Variants in FLVCR1 observed in about 807,000 individuals in gnomAD.
FLVCR1 encodes the protein choline/ethanolamine transporter FLVCR1.
A neutral mutation model predicts 53.6 loss-of-function variants in FLVCR1; 34 were observed. That is an observed-to-expected ratio of 0.63 (90% CI 0.48 to 0.84). The LOEUF (loss-of-function observed/expected upper bound fraction) is 0.84. Ranked by LOEUF, FLVCR1 falls within the 40% of genes least tolerant of loss-of-function variation. The pLI is 0.00. For missense variants in FLVCR1, 677 were observed against 696.7 expected, an observed-to-expected ratio of 0.97 and a Z score of 0.32; for synonymous variants, 300 against 286.3, an observed-to-expected ratio of 1.05 and a Z score of -0.48.
chr1:212,889,075 C>T (rs1214514999), intron 7 of FLVCR1, 71 bp from the exon 8 acceptor site: 2 of 1,097,564 alleles, frequency 1.8e-6, no homozygotes, highest in East Asian at 2.5e-5. Context: ...AAGAAAAGTT[C>T]TGGTGAAAAC....
At chr1:212,889,092 C>T in intron 7 of FLVCR1, 54 bp from the exon 8 acceptor site, 1 of 1,270,518 alleles carries the variant, frequency 7.9e-7, no homozygotes, top group Non-Finnish European at 1.1e-6. Flanking sequence ...AAACTTTATA[C>T]TTGCTTTAAA....
chr1:212,862,543 T>A (rs1664276513), intron 1 of FLVCR1, among the ~76,000 whole-genome samples: 1 of 152,260 alleles, frequency 6.6e-6, no homozygotes, highest in Non-Finnish European at 1.5e-5. Flanking sequence ...TTTCATTGTA[T>A]GAATATACCA....
In FLVCR1 at chr1:212,859,217, T is replaced by A. The variant is rs200064133; in HGVS notation, c.738+27T>A. 241 of 1,613,798 alleles carry A rather than the reference T, an allele frequency of 1.5e-4. 1 individual carries two copies. The East Asian group carries it at 5.3e-3, about 36-fold the overall frequency. Reference sequence around the variant, plus strand: ...TAAGTACTGGAGTGGTAGGTGAAAGTCAGATCCTTAAAAGACCGGAAAAAG... The same window carrying A: ...TAAGTACTGGAGTGGTAGGTGAAAGACAGATCCTTAAAAGACCGGAAAAAG... On this transcript the variant is annotated intron_variant, in intron 1 of 9. Transcript: ENST00000366971.
intron 3 of FLVCR1, among the ~76,000 whole-genome samples, chr1:212,877,686 G>T (rs1428156383): frequency 1.7e-4 from 22 of 127,168 alleles, no homozygotes; most frequent in South Asian, 4.9e-4. Flanking sequence ...TCTGATGATA[G>T]TTTTTTTTTT....
At chr1:212,891,087 C>T (rs1665179252) in intron 8 of FLVCR1, among the ~76,000 whole-genome samples, 1 of 152,084 alleles carries the variant, frequency 6.6e-6, no homozygotes, top group South Asian at 2.1e-4. Context: ...GTTCTTAATT[C>T]CTAGGCAAGT....
intron 4 of FLVCR1, among the ~76,000 whole-genome samples, chr1:212,884,795 A>G (rs1245238437): frequency 3.9e-5 from 6 of 152,240 alleles, no homozygotes; most frequent in South Asian, 2.1e-4. Context: ...GGTATAGCCT[A>G]TTGCTCCTAG....
At chr1:212,861,794 C>T (rs940753978) in intron 1 of FLVCR1, among the ~76,000 whole-genome samples, 42 of 152,162 alleles carry the variant, frequency 2.8e-4, no homozygotes, top group African/African-American at 9.6e-4. Context: ...CTCAGCCTCC[C>T]GTGTAGCTGG....
intron 3 of FLVCR1, among the ~76,000 whole-genome samples, chr1:212,878,360 G>A (rs1664822564): frequency 1.3e-5 from 2 of 151,896 alleles, no homozygotes; most frequent in Non-Finnish European, 2.9e-5. Context: ...AAATGAGCCG[G>A]GCATGGTGGT....
In FLVCR1 at chr1:212,858,882, CTG is replaced by C; in HGVS notation, c.431_432del (p.Leu144ProfsTer122). 1 of 1,614,254 alleles carries C rather than the reference CTG, an allele frequency of 6.2e-7. No homozygotes were observed. The highest frequency in any genetic ancestry group is 8.5e-7 in the Non-Finnish European group (1 of 1,180,046). ...CGAGGGCTTCTACGGTGTCACCTTG[CTG>C]CACATCGACTGGCTGTCCATGGTGT... ...VFEGFYGVTLLHIDWLSMVYM... is the reference protein window; with the variant it reads ...VFEGFYGVTLXHIDWLSMVYM... On this transcript the variant is annotated frameshift_variant, in exon 1 of 10. Coordinates refer to ENST00000366971, the MANE Select transcript of FLVCR1 (RefSeq NM_014053.4). LOFTEE classifies it high-confidence loss of function.
rs1664116233 is a variant in FLVCR1 at position 212,858,732 on chromosome 1, G to A, written c.280G>A (p.Glu94Lys). 6.2e-7 allele frequency: 1 copy of A among 1,610,424 alleles called. No individual in the cohort carries two copies. The highest frequency in any genetic ancestry group is 8.5e-7 in the Non-Finnish European group (1 of 1,179,002). ...AGAGAETPGAESSPLPLTALS... is the reference protein window; with the variant it reads ...AGAGAETPGAKSSPLPLTALS... ...CGCGGGAGCTGAGACCCCGGGGGCC[G>A]AGAGCAGCCCGCTGCCCCTTACGGC... Residue 94 changes from glutamate (E) to lysine (K), a missense_variant, in exon 1 of 10, where the codon GAG (glutamate) becomes AAG (lysine). By Grantham distance (56) the Glu-to-Lys change is moderately conservative. Coordinates refer to ENST00000366971, the MANE Select transcript of FLVCR1 (RefSeq NM_014053.4).
At chr1:212,862,257 T>G (rs1664268336) in intron 1 of FLVCR1, among the ~76,000 whole-genome samples, 1 of 152,238 alleles carries the variant, frequency 6.6e-6, no homozygotes, top group Non-Finnish European at 1.5e-5. Flanking sequence ...AACTGTTACT[T>G]CTGTCTAGTT....
At position 212,859,083 on chromosome 1, in the gene FLVCR1, T is replaced by C; in HGVS notation, c.631T>C (p.Ser211Pro). 1 of 1,613,690 alleles carries C rather than the reference T, an allele frequency of 6.2e-7. No homozygotes were observed. The highest frequency in any genetic ancestry group is 1.1e-5 in the South Asian group (1 of 91,054). Residue 211 changes from serine (S) to proline (P), a missense_variant, in exon 1 of 10, where the codon TCG becomes CCG. Ser to Pro is a moderately conservative substitution (Grantham distance 74). Coordinates refer to ENST00000366971, the MANE Select transcript of FLVCR1 (RefSeq NM_014053.4). ...CACCATGTTGGGCCAGTGCTTGTGC[T>C]CGGTGGCCCAGGTGTTCATCCTGGG... ...WVTMLGQCLC[S>P]VAQVFILGLP...
chr1:212,871,476 C>G (rs1057008793), intron 2 of FLVCR1, among the ~76,000 whole-genome samples: 1 of 152,166 alleles, frequency 6.6e-6, no homozygotes, highest in Non-Finnish European at 1.5e-5. Context: ...GATCCCAGCT[C>G]ACTGCAGCCT....
At chr1:212,873,431 C>T (rs1452975356) in intron 3 of FLVCR1, among the ~76,000 whole-genome samples, 1 of 152,164 alleles carries the variant, frequency 6.6e-6, no homozygotes, top group Admixed American at 6.5e-5. Flanking sequence ...CTGATGTAAG[C>T]AGGTGGGAAA....
intron 7 of FLVCR1, among the ~76,000 whole-genome samples, chr1:212,888,816 T>C (rs10779595): frequency 0.46 from 69,893 of 151,612 alleles, 17,336 homozygotes; most frequent in East Asian, 0.56. Context: ...TCCAGAGTTT[T>C]TGGGACTGCA....
intron 1 of FLVCR1, 58 bp from the exon 2 acceptor site, chr1:212,863,667 C>A: frequency 1.3e-6 from 2 of 1,487,364 alleles, no homozygotes; most frequent in Non-Finnish European, 9.4e-7. Context: ...TGTTAATTGC[C>A]AGCATTTACT....
intron 8 of FLVCR1, among the ~76,000 whole-genome samples, chr1:212,893,246 G>A (rs1458415456): frequency 1.3e-5 from 2 of 151,968 alleles, no homozygotes; most frequent in African/African-American, 4.8e-5. Context: ...TTGTAGAGAC[G>A]GGGTTTCACC....
chr1:212,880,122 G>A (rs775276187), intron 3 of FLVCR1, among the ~76,000 whole-genome samples: 7 of 152,052 alleles, frequency 4.6e-5, no homozygotes, highest in Non-Finnish European at 7.4e-5. Context: ...CTCATCTTCC[G>A]CAGGCTAACC....
chr1:212,859,472 C>T (rs549292521), intron 1 of FLVCR1, among the ~76,000 whole-genome samples: 6 of 152,154 alleles, frequency 3.9e-5, no homozygotes, highest in African/African-American at 9.7e-5. Context: ...AATCCCAGCA[C>T]TTTGGGAGGC....
Sources: gnomAD v4.1 joint callset for allele counts (sites outside exome capture counted in the v4.1 genomes callset) on GRCh38, gnomAD v4.1.1 for gene constraint, MANE v1.5 for transcripts, NCBI Gene and HGNC (gene_info 2026-07-23, HGNC 2026-07-21) for gene names.